Variants in GASK1A observed in about 807,000 individuals in gnomAD.
GASK1A encodes golgi associated kinase 1A, also known as Golgi-associated kinase 1A.
Under a neutral mutation model 41.2 loss-of-function variants are expected in GASK1A, and 40 were observed. The ratio of observed to expected loss-of-function variants is 0.97; its 90% confidence interval spans 0.75 to 1.27. The LOEUF (loss-of-function observed/expected upper bound fraction) is 1.27, where lower values mean the gene tolerates loss of function less well. Ranked by LOEUF, GASK1A falls within the 50% of genes most tolerant of loss-of-function variation. GASK1A has a pLI of 0.00. For synonymous variants in GASK1A, 316 were observed against 307.1 expected, an observed-to-expected ratio of 1.03 and a Z score of -0.30; for missense variants, 678 against 745.1, an observed-to-expected ratio of 0.91 and a Z score of 1.05.
chr3:42,995,818 C>T (rs569855137), intron 1 of GASK1A, among the ~76,000 whole-genome samples: 1 of 152,284 alleles, frequency 6.6e-6, no homozygotes, highest in East Asian at 1.9e-4. Flanking sequence ...AAGGTATAGC[C>T]CAGAAAGAAA....
chr3:43,001,082 T>A (rs919841562), intron 1 of GASK1A, among the ~76,000 whole-genome samples: 4 of 152,150 alleles, frequency 2.6e-5, no homozygotes, highest in African/African-American at 7.2e-5. Flanking sequence ...CTTCCCCTCC[T>A]CCACCCCTGC....
intron 2 of GASK1A, among the ~76,000 whole-genome samples, chr3:43,042,723 G>A (rs556321018): frequency 1.3e-5 from 2 of 152,198 alleles, no homozygotes; most frequent in Admixed American, 1.3e-4. Context: ...TAAAATTTAG[G>A]AGGCTCCACA....
chr3:43,044,607 A>G (rs889382005), intron 2 of GASK1A, among the ~76,000 whole-genome samples: 2 of 152,196 alleles, frequency 1.3e-5, no homozygotes, highest in African/African-American at 4.8e-5. Flanking sequence ...GACATAGTGG[A>G]GGCAGGATTC....
At chr3:42,997,438 G>A (rs944163764) in intron 1 of GASK1A, among the ~76,000 whole-genome samples, 2 of 132,530 alleles carry the variant, frequency 1.5e-5, no homozygotes, top group African/African-American at 3.1e-5. Context: ...GACAGAGAGA[G>A]GGGGGGGGGA....
At position 43,054,225 on chromosome 3, in the gene GASK1A, G is replaced by A. The variant is rs116142939; in HGVS notation, c.1413+582G>A. 2.1e-3 allele frequency: 378 copies of A among 182,484 alleles called. 1 individual carries two copies. Among genetic ancestry groups the A allele is most frequent in the African/African-American group, 8.6e-3 (365 of 42,526 alleles). The allele number at this position is 182,484 out of a possible 1,614,324, so 11.3% of individuals were successfully genotyped here. On this transcript the variant is annotated intron_variant, in intron 3 of 4. Transcript: ENST00000430121. ...CTTCTCTATCTTCTCCTGCAGTGAG[G>A]CATAGTGTCCTCACAGCCTCCCTTT...
intron 1 of GASK1A, among the ~76,000 whole-genome samples, chr3:43,031,676 A>T (rs2089576629): frequency 6.6e-6 from 1 of 152,224 alleles, no homozygotes; most frequent in Non-Finnish European, 1.5e-5. Flanking sequence ...GGACGGCAAG[A>T]GAGAAAGGCC....
chr3:43,043,655 T>C (rs1036275855), intron 2 of GASK1A, among the ~76,000 whole-genome samples: 1 of 152,188 alleles, frequency 6.6e-6, no homozygotes, highest in African/African-American at 2.4e-5. Flanking sequence ...TTGTGATATG[T>C]AAAGCACTAA....
intron 4 of GASK1A, 84 bp downstream of exon 4, chr3:43,055,619 C>A: frequency 1.0e-5 from 9 of 904,192 alleles, no homozygotes; most frequent in Non-Finnish European, 1.6e-5. Context: ...TCAACTGTGG[C>A]CCTGAGAAGC....
rs2089589051 is a variant in GASK1A, at chr3:43,033,325, C to G, written c.1062C>G (p.Pro354=). The change falls in exon 2 of 5, where the codon CCC becomes CCG. Residue 354 remains proline, a synonymous_variant. Coordinates refer to ENST00000430121, the MANE Select transcript of GASK1A (RefSeq NM_001129908.3). The part of the protein sequence containing the change: ...LPAVARRFHS[P]LLPYRYTDGG... ...CTGTGGCCCGCCGCTTCCATAGCCC[C>G]CTCCTGCCCTACCGATACACAGACG... 1 of 1,551,276 alleles carries G rather than the reference C, an allele frequency of 6.4e-7. No homozygotes were observed. Among genetic ancestry groups the G allele is most frequent in the South Asian group, 1.2e-5 (1 of 84,036 alleles).
intron 2 of GASK1A, among the ~76,000 whole-genome samples, chr3:43,045,655 A>G (rs1446438639): frequency 6.6e-6 from 1 of 152,158 alleles, no homozygotes; most frequent in African/African-American, 2.4e-5. Flanking sequence ...ATATGAAAGC[A>G]TGGAGTAGGC....
chr3:43,055,463 A>G lies in GASK1A; in HGVS notation c.1445A>G (p.Tyr482Cys), dbSNP rs1282968295. ...AGCAGCGATCCATCTCACCTGGTCT[A>G]CATCGATAACGCTGGCAACCTTCAG... ...VRSSDPSHLV[Y>C]IDNAGNLQHP... The change falls in exon 4 of 5, where the codon TAC becomes TGC. Residue 482 changes from tyrosine to cysteine, a missense_variant. Physicochemically the swap from Tyr to Cys is radical, Grantham distance 194. Transcript: ENST00000430121. 2.6e-6 allele frequency: 4 copies of G among 1,551,770 alleles called. No homozygotes were observed. Among genetic ancestry groups the G allele is most frequent in the Non-Finnish European group, 2.6e-6 (3 of 1,146,988 alleles).
At chr3:43,054,439 A>G (rs1186312719) in intron 3 of GASK1A, among the ~76,000 whole-genome samples, 1 of 152,116 alleles carries the variant, frequency 6.6e-6, no homozygotes. Flanking sequence ...GCCATTGTTT[A>G]CCCCTGGTGA....
chr3:42,993,103 A>G (rs780752572), intron 1 of GASK1A, among the ~76,000 whole-genome samples: 1 of 152,246 alleles, frequency 6.6e-6, no homozygotes, highest in Non-Finnish European at 1.5e-5. Flanking sequence ...CAGTTCATCC[A>G]CAAGGACTCA....
In GASK1A at chr3:43,033,538, C is replaced by T. The variant is rs554618038; in HGVS notation, c.1275C>T (p.Phe425=). The change falls in exon 2 of 5, where the codon TTC becomes TTT. Residue 425 remains phenylalanine, a synonymous_variant. Transcript: ENST00000430121. ...CCGAGTGGGCACGCCTGGCGCTCTT[C>T]GACTTCCTGTTGCAGGTAGGTGGGG... ...HHTEWARLAL[F]DFLLQVHDRL... is the part of the protein sequence containing the mutation. 5.4e-5 allele frequency: 83 copies of T among 1,532,560 alleles called. No individual in the cohort carries two copies. The Middle Eastern group carries it at 7.2e-4, about 13-fold the overall frequency. 94.9% of individuals were successfully genotyped at this position (1,532,560 alleles called of 1,614,324 possible).
intron 1 of GASK1A, among the ~76,000 whole-genome samples, chr3:43,015,246 A>G (rs530358254): frequency 6.5e-4 from 65 of 100,578 alleles, no homozygotes; most frequent in Admixed American, 1.7e-3. Context: ...CACAGGAAGG[A>G]GCAGTGCGAA....
chr3:43,017,211 C>G (rs1212911718), intron 1 of GASK1A, among the ~76,000 whole-genome samples: 2 of 145,280 alleles, frequency 1.4e-5, no homozygotes, highest in African/African-American at 5.2e-5. Flanking sequence ...AGTGTGAAGT[C>G]ACAGGGAGGG....
At chr3:43,018,128 T>G (rs1268308246) in intron 1 of GASK1A, among the ~76,000 whole-genome samples, 2 of 152,172 alleles carry the variant, frequency 1.3e-5, no homozygotes, top group Admixed American at 1.3e-4. Context: ...AAATCCCAGA[T>G]TTCTTCCCCA....
intron 1 of GASK1A, among the ~76,000 whole-genome samples, chr3:42,997,020 A>C (rs2089378457): frequency 6.6e-6 from 1 of 152,212 alleles, no homozygotes; most frequent in Non-Finnish European, 1.5e-5. Context: ...TGCACATCCC[A>C]CACTCCCTTC....
At chr3:43,030,408 A>T (rs1257033182) in intron 1 of GASK1A, among the ~76,000 whole-genome samples, 1 of 152,202 alleles carries the variant, frequency 6.6e-6, no homozygotes, top group Non-Finnish European at 1.5e-5. Context: ...CCACAGCTCA[A>T]GTGTAGAGTG....
Sources: gnomAD v4.1 joint callset for allele counts (sites outside exome capture counted in the v4.1 genomes callset) on GRCh38, gnomAD v4.1.1 for gene constraint, MANE v1.5 for transcripts, NCBI Gene and HGNC (gene_info 2026-07-23, HGNC 2026-07-21) for gene names.